CEP128: variants seen among roughly 807,000 people sequenced by gnomAD.
CEP128 encodes centrosomal protein 128, also known as centrosomal protein 128kDa.
Under a neutral mutation model 156.7 loss-of-function variants are expected in CEP128, and 132 were observed. The observed-to-expected ratio is 0.84, with a 90% confidence interval of 0.73 to 0.97. The LOEUF (loss-of-function observed/expected upper bound fraction) is 0.97, where lower values mean the gene tolerates loss of function less well. Among genes scored for constraint, CEP128 ranks in the 50% least tolerant of loss-of-function variants. The pLI, the probability that CEP128 is intolerant of heterozygous loss-of-function variation, is 0.00. For missense variants in CEP128, 1,252 were observed against 1,281.9 expected, an observed-to-expected ratio of 0.98 and a Z score of 0.36; for synonymous variants, 469 against 448.9, an observed-to-expected ratio of 1.04 and a Z score of -0.57.
At chr14:80,626,542 G>A (rs1006031410) in intron 19 of CEP128, among the ~76,000 whole-genome samples, 1 of 149,864 alleles carries the variant, frequency 6.7e-6, no homozygotes, top group Non-Finnish European at 1.5e-5. Flanking sequence ...ATGCAATGTA[G>A]TGACAGAAGC....
At chr14:80,821,927 A>G (rs1486573938) in intron 13 of CEP128, among the ~76,000 whole-genome samples, 1 of 146,536 alleles carries the variant, frequency 6.8e-6, no homozygotes, top group East Asian at 2.0e-4. Context: ...GCGGAAGGTG[A>G]CAGGCACGCA....
intron 14 of CEP128, among the ~76,000 whole-genome samples, chr14:80,786,749 G>A (rs1323705668): frequency 6.6e-6 from 1 of 152,182 alleles, no homozygotes; most frequent in Admixed American, 6.5e-5. Flanking sequence ...CAAAAAGTTG[G>A]AGTAGAATTT....
intron 23 of CEP128, among the ~76,000 whole-genome samples, chr14:80,523,634 T>G (rs1360689933): frequency 1.3e-5 from 2 of 152,328 alleles, no homozygotes; most frequent in Non-Finnish European, 2.9e-5. Context: ...GGCAGATATT[T>G]TTGTTTCATT....
At chr14:80,565,638 T>C (rs900430543) in intron 20 of CEP128, among the ~76,000 whole-genome samples, 5 of 152,334 alleles carry the variant, frequency 3.3e-5, no homozygotes, top group Admixed American at 1.3e-4. Flanking sequence ...CTTTAGAATT[T>C]AGGAATGGAC....
At chr14:80,582,014 T>C (rs961317410) in intron 19 of CEP128, among the ~76,000 whole-genome samples, 1 of 152,206 alleles carries the variant, frequency 6.6e-6, no homozygotes, top group Non-Finnish European at 1.5e-5. Flanking sequence ...TTCCACTTTT[T>C]CACTTGGAAC....
At chr14:80,879,488 G>A (rs1291745733) in intron 8 of CEP128, among the ~76,000 whole-genome samples, 1 of 151,938 alleles carries the variant, frequency 6.6e-6, no homozygotes, top group Non-Finnish European at 1.5e-5. Context: ...ATTCAGCAAA[G>A]AGATACATGT....
chr14:80,950,010 C>A (rs12050078), intron 2 of CEP128, among the ~76,000 whole-genome samples: 28,538 of 152,136 alleles, frequency 0.19, 3,220 homozygotes, highest in Admixed American at 0.27. Context: ...TTGGGAATAG[C>A]ATCTTTAACG....
intron 20 of CEP128, among the ~76,000 whole-genome samples, chr14:80,570,281 C>T (rs969244122): frequency 7.2e-5 from 11 of 152,042 alleles, no homozygotes; most frequent in Non-Finnish European, 2.9e-5. Flanking sequence ...CCACGCCCGG[C>T]TAATTTTTTG....
At chr14:80,535,544 AGAGTCT>A (rs1390571488) in intron 21 of CEP128, among the ~76,000 whole-genome samples, 2 of 152,234 alleles carry the variant, frequency 1.3e-5, no homozygotes. Flanking sequence ...CTGGTGCTAA[AGAGTCT>A]GTACTCAGGA....
chr14:80,920,749 T>C (rs1884812609), intron 2 of CEP128, among the ~76,000 whole-genome samples: 2 of 152,234 alleles, frequency 1.3e-5, no homozygotes, highest in Admixed American at 1.3e-4. Context: ...TTCTAGACTA[T>C]GTAATTGTTT....
At chr14:80,958,957 C>T (rs1886866350) in intron 1 of CEP128, among the ~76,000 whole-genome samples, 1 of 152,186 alleles carries the variant, frequency 6.6e-6, no homozygotes, top group Non-Finnish European at 1.5e-5. Flanking sequence ...TGTATAACCA[C>T]TTCTTAGACA....
chr14:80,844,778 G>T (rs1347790152), intron 9 of CEP128, among the ~76,000 whole-genome samples: 1 of 151,560 alleles, frequency 6.6e-6, no homozygotes, highest in African/African-American at 2.4e-5. Flanking sequence ...CTTCTTATAA[G>T]ATGTTTATTA....
rs761119738 is a variant in CEP128 at position 80,743,097 on chromosome 14, A to G, written c.2784T>C (p.Asp928=). Residue 928 remains aspartate, a synonymous_variant, in exon 19 of 25, where the codon GAT becomes GAC. Transcript: ENST00000555265. ...CACCTCTCTTCTCACGATGTATTTC[A>G]TCCAGAAGCTGCTCCTGCCTTTCTA... The part of the protein sequence containing the change: ...QQIERQEQLL[D]EIHREKRDLL... 2.5e-6 allele frequency: 4 copies of G among 1,613,650 alleles called. No homozygotes were observed. Among genetic ancestry groups the G allele is most frequent in the Non-Finnish European group, 3.4e-6 (4 of 1,179,748 alleles).
intron 2 of CEP128, among the ~76,000 whole-genome samples, chr14:80,935,556 CAATAAATAAATAAATA>C (rs59491221): frequency 6.8e-4 from 77 of 113,926 alleles, no homozygotes; most frequent in South Asian, 4.4e-3. Flanking sequence ...GAGTCTGTCT[CAATAAATAAATAAATA>C]AATAAATAAA....
At chr14:80,935,939 GCCC>G (rs1349307870) in intron 2 of CEP128, among the ~76,000 whole-genome samples, 2 of 152,090 alleles carry the variant, frequency 1.3e-5, no homozygotes, top group African/African-American at 4.8e-5. Context: ...AAGTTAACTT[GCCC>G]AAACTCAAAA....
intron 19 of CEP128, among the ~76,000 whole-genome samples, chr14:80,650,795 T>C (rs1266864087): frequency 3.3e-5 from 5 of 152,196 alleles, no homozygotes; most frequent in Non-Finnish European, 7.4e-5. Context: ...ATAAGCTTTT[T>C]GATGTGCTGC....
chr14:80,528,211 T>G (rs1188722293), intron 22 of CEP128, among the ~76,000 whole-genome samples: 1 of 152,242 alleles, frequency 6.6e-6, no homozygotes, highest in African/African-American at 2.4e-5. Context: ...TGTGGCAGAT[T>G]GGACTTAGAA....
intron 19 of CEP128, among the ~76,000 whole-genome samples, chr14:80,700,617 G>T (rs543512959): frequency 6.6e-6 from 1 of 151,938 alleles, no homozygotes; most frequent in Admixed American, 6.6e-5. Flanking sequence ...CTGAGTAAAC[G>T]GGCTTAGTCC....
chr14:80,889,431 T>C (rs879080474), intron 8 of CEP128, among the ~76,000 whole-genome samples: 5 of 152,068 alleles, frequency 3.3e-5, no homozygotes, highest in South Asian at 2.1e-4. Context: ...AAAACAGATA[T>C]ACAGACCAAT....
Sources: allele counts gnomAD v4.1 joint callset (sites outside exome capture counted in the v4.1 genomes callset), GRCh38; gene constraint gnomAD v4.1.1; transcripts MANE v1.5; gene names NCBI Gene and HGNC (gene_info 2026-07-23, HGNC 2026-07-21).